The following PARD3B variants were observed in gnomAD, a reference collection of about 807,000 sequenced individuals.
PARD3B encodes partitioning defective 3 homolog B.
PARD3B carries 103 observed loss-of-function variants against 130.2 expected under a neutral mutation model. The ratio of observed to expected loss-of-function variants is 0.79; its 90% CI spans 0.67 to 0.93. PARD3B has a LOEUF of 0.93. Among genes scored for constraint, PARD3B ranks in the 40% least tolerant of loss-of-function variants. PARD3B has a pLI of 0.00. For synonymous variants in PARD3B, 583 were observed against 553.2 expected (o/e 1.05, Z -0.76); for missense variants, 1,609 against 1,499.2 (o/e 1.07, Z -1.21).
chr2:205,007,269 A>C (rs1043944979), intron 3 of PARD3B, among the ~76,000 whole-genome samples: 7 of 152,126 alleles, frequency 4.6e-5, no homozygotes, highest in African/African-American at 1.7e-4. Flanking sequence ...ACTGTGATTC[A>C]ATTAAACCTC....
intron 2 of PARD3B, among the ~76,000 whole-genome samples, chr2:204,794,279 T>G (rs2042293594): frequency 6.6e-6 from 1 of 152,216 alleles, no homozygotes; most frequent in Admixed American, 6.5e-5. Context: ...CGTTGTTACC[T>G]CAAGGAAAAA....
At chr2:205,486,951 A>G (rs2049467656) in intron 20 of PARD3B, among the ~76,000 whole-genome samples, 1 of 152,218 alleles carries the variant, frequency 6.6e-6, no homozygotes, top group South Asian at 2.1e-4. Flanking sequence ...TGTAGGTGAT[A>G]TCAGAACATG....
chr2:204,580,262 C>T (rs1481665498), intron 1 of PARD3B, among the ~76,000 whole-genome samples: 1 of 151,540 alleles, frequency 6.6e-6, no homozygotes, highest in Non-Finnish European at 1.5e-5. Flanking sequence ...CTCTCTTGTT[C>T]CATCCTCCGT....
chr2:205,185,783 C>T lies in PARD3B; in HGVS notation c.1944C>T (p.Asp648=), dbSNP rs754281343. ...DKQKGLLLPN[D]GWAESEVPPS... ...TTATAGGTCTATTGCTGCCCAATGA[C>T]GGATGGGCCGAGAGTGAAGTTCCAC... Residue 648 remains aspartate (D), a synonymous_variant, in exon 14 of 23, where the codon GAC becomes GAT. Transcript: ENST00000406610. 94 of 1,613,712 alleles carry T rather than the reference C, an allele frequency of 5.8e-5. No homozygotes were observed. The highest frequency in any genetic ancestry group is 6.7e-5 in the East Asian group (3 of 44,892).
intron 21 of PARD3B, among the ~76,000 whole-genome samples, chr2:205,531,648 G>A (rs1389149492): frequency 6.6e-6 from 1 of 151,818 alleles, no homozygotes; most frequent in African/African-American, 2.4e-5. Flanking sequence ...ATTCAGACAG[G>A]GCACCGAGAC....
At chr2:205,603,732 C>A (rs901883339) in intron 22 of PARD3B, among the ~76,000 whole-genome samples, 11 of 152,090 alleles carry the variant, frequency 7.2e-5, no homozygotes, top group African/African-American at 2.4e-4. Flanking sequence ...TTATTTTGAG[C>A]CTGTGTGTGT....
At position 205,300,478 on chromosome 2, in the gene PARD3B, C is replaced by T. The variant is rs371716508; in HGVS notation, c.2186-52C>T. ...AAATATTCTTAGAACAATAGCATTA[C>T]ACCACACTGCCCCATTAGAAGAGGG... On this transcript the variant is annotated intron_variant, in intron 16 of 22. Coordinates refer to ENST00000406610, the MANE Select transcript of PARD3B (RefSeq NM_001302769.2). The surrounding 1 kb of genome is among the most constrained non-coding windows in gnomAD (Gnocchi z 4.1). The T allele has an allele frequency of 6.8e-6, 10 of 1,472,112 alleles. No individual in the cohort carries two copies. In the East Asian group the frequency reaches 6.8e-5, roughly 10 times the overall value. 91.2% of individuals were successfully genotyped at this position (1,472,112 alleles called of 1,614,324 possible).
intron 22 of PARD3B, among the ~76,000 whole-genome samples, chr2:205,614,770 T>C (rs2055360373): frequency 6.6e-6 from 1 of 150,416 alleles, no homozygotes; most frequent in African/African-American, 2.5e-5. Flanking sequence ...TTCTAAGGAC[T>C]GTAGAGCATT....
chr2:204,814,297 A>G (rs1201797421), intron 2 of PARD3B, among the ~76,000 whole-genome samples: 1 of 151,502 alleles, frequency 6.6e-6, no homozygotes, highest in Non-Finnish European at 1.5e-5. Context: ...TTTTTTTCGT[A>G]TTGACCTTGT....
intron 8 of PARD3B, among the ~76,000 whole-genome samples, chr2:205,123,954 C>T (rs922142004): frequency 2.6e-5 from 4 of 152,118 alleles, no homozygotes; most frequent in African/African-American, 9.7e-5. Context: ...TTGTCCAGCT[C>T]ATGTAAGAGG....
chr2:204,661,693 T>C (rs544431559), intron 1 of PARD3B, among the ~76,000 whole-genome samples: 12 of 152,336 alleles, frequency 7.9e-5, no homozygotes, highest in African/African-American at 2.9e-4. Flanking sequence ...TTTAACAAAT[T>C]TATTTAAAAA....
chr2:205,336,976 TA>T (rs34061573), intron 18 of PARD3B, among the ~76,000 whole-genome samples: 2,413 of 147,288 alleles, frequency 0.016, 37 homozygotes, highest in African/African-American at 0.05. Context: ...TTATTTCTTG[TA>T]AAAAAAAAAA....
chr2:204,986,869 G>C (rs1213214045), intron 3 of PARD3B, among the ~76,000 whole-genome samples: 6 of 152,180 alleles, frequency 3.9e-5, no homozygotes, highest in African/African-American at 1.4e-4. Flanking sequence ...ATTCTCAATA[G>C]TCATGTGTTG....
intron 1 of PARD3B, among the ~76,000 whole-genome samples, chr2:204,682,043 G>A (rs979084145): frequency 6.6e-6 from 1 of 151,928 alleles, no homozygotes; most frequent in Non-Finnish European, 1.5e-5. Context: ...AAAGAATTTG[G>A]GGCCTTCCAT....
chr2:205,106,879 G>T (rs146319796), intron 5 of PARD3B, among the ~76,000 whole-genome samples: 120 of 152,264 alleles, frequency 7.9e-4, no homozygotes, highest in Non-Finnish European at 7.8e-4. Context: ...GAATGCATGG[G>T]GGAAAGCTTG....
At chr2:204,858,599 A>G (rs1008234000) in intron 2 of PARD3B, among the ~76,000 whole-genome samples, 3 of 151,242 alleles carry the variant, frequency 2.0e-5, no homozygotes, top group Non-Finnish European at 3.0e-5. Context: ...CAAAGGATGC[A>G]ACATAGGGTA....
chr2:204,856,636 A>G (rs1314056903), intron 2 of PARD3B, among the ~76,000 whole-genome samples: 10 of 152,040 alleles, frequency 6.6e-5, no homozygotes, highest in African/African-American at 1.7e-4. Context: ...GTCATGGAGC[A>G]TTTCCCTTGT....
At chr2:204,751,081 C>T (rs1377341378) in intron 2 of PARD3B, among the ~76,000 whole-genome samples, 1 of 152,114 alleles carries the variant, frequency 6.6e-6, no homozygotes, top group Non-Finnish European at 1.5e-5. Flanking sequence ...AAAACTGCTA[C>T]CACCTGTCAG....
intron 5 of PARD3B, among the ~76,000 whole-genome samples, chr2:205,111,929 G>C (rs1219257886): frequency 6.6e-6 from 1 of 152,032 alleles, no homozygotes; most frequent in Non-Finnish European, 1.5e-5. Context: ...AATTCTGTTA[G>C]TATATAAAAC....
Sources: gnomAD v4.1 joint callset for allele counts (sites outside exome capture counted in the v4.1 genomes callset) on GRCh38, gnomAD v4.1.1 for gene constraint, Gnocchi (gnomAD v3.1) non-coding constraint, MANE v1.5 for transcripts, NCBI Gene and HGNC (gene_info 2026-07-23, HGNC 2026-07-21) for gene names.